The following ADGRB3 variants were observed in gnomAD, a reference collection of about 807,000 sequenced individuals.
ADGRB3 encodes the protein adhesion G protein-coupled receptor B3.
Under a neutral mutation model 193.4 loss-of-function variants are expected in ADGRB3, and 37 were observed. That is an observed-to-expected ratio of 0.19 (90% CI 0.15 to 0.25). ADGRB3 has a LOEUF of 0.25. Among genes scored for constraint, ADGRB3 ranks in the 10% least tolerant of loss-of-function variants. The pLI, the probability that ADGRB3 is intolerant of heterozygous loss-of-function variation, is 1.00. For missense variants in ADGRB3, 1,637 were observed against 1,852.9 expected, an observed-to-expected ratio of 0.88 and a Z score of 2.14; for synonymous variants, 690 against 644.2, an observed-to-expected ratio of 1.07 and a Z score of -1.08.
chr6:68,947,775 T>A (rs1436970303), intron 6 of ADGRB3, among the ~76,000 whole-genome samples: 1 of 152,134 alleles, frequency 6.6e-6, no homozygotes, highest in African/African-American at 2.4e-5. Context: ...GGGTGGACTT[T>A]GTGAGATGCT....
chr6:68,863,895 G>A (rs900870303), intron 3 of ADGRB3, among the ~76,000 whole-genome samples: 4 of 152,056 alleles, frequency 2.6e-5, no homozygotes, highest in Non-Finnish European at 4.4e-5. Flanking sequence ...GGGATAAAGC[G>A]ATAAGTAAAT....
chr6:68,869,292 T>C (rs1185130498), intron 3 of ADGRB3, among the ~76,000 whole-genome samples: 1 of 152,190 alleles, frequency 6.6e-6, no homozygotes, highest in Non-Finnish European at 1.5e-5. Flanking sequence ...AACTTTTTAA[T>C]GTATTTACAA....
intron 17 of ADGRB3, among the ~76,000 whole-genome samples, chr6:69,118,881 A>T (rs1440238696): frequency 6.6e-6 from 1 of 152,182 alleles, no homozygotes; most frequent in East Asian, 1.9e-4. Flanking sequence ...ATATAGCAAA[A>T]TTACTCTTTG....
At chr6:68,810,219 A>G (rs1181256333) in intron 3 of ADGRB3, among the ~76,000 whole-genome samples, 1 of 152,140 alleles carries the variant, frequency 6.6e-6, no homozygotes, top group African/African-American at 2.4e-5. Flanking sequence ...CTGCTTTGGG[A>G]AGCTGTGATT....
At chr6:68,730,848 G>A (rs1045061710) in intron 3 of ADGRB3, among the ~76,000 whole-genome samples, 2 of 151,632 alleles carry the variant, frequency 1.3e-5, no homozygotes, top group African/African-American at 4.8e-5. Context: ...AAACTCTGTA[G>A]TTAGCTTTTA....
Position 68,762,232 on chromosome 6 carries a change from CCTAA to C in ADGRB3, c.757+122803_757+122806del, listed in dbSNP as rs1766406068. ...TTCTCTTTTCCCCCTTCTTTTTCTC[CCTAA>C]CTTTCTCTTCTTTTCTCCTCATTCT... is the stretch of plus-strand genomic sequence containing the variant. On this transcript the variant is annotated intron_variant, in intron 3 of 31. Transcript: ENST00000370598. 2.0e-5 allele frequency among the ~76,000 whole-genome samples: 3 copies of C among 152,020 alleles called. 1 individual carries two copies. The South Asian group carries it at 6.2e-4, about 32-fold the overall frequency.
chr6:68,705,047 A>G (rs919561611), intron 3 of ADGRB3, among the ~76,000 whole-genome samples: 2 of 152,188 alleles, frequency 1.3e-5, no homozygotes, highest in Non-Finnish European at 2.9e-5. Context: ...TGTATTTAAA[A>G]CAAATCACAG....
chr6:69,195,289 G>C (rs1765272368), intron 17 of ADGRB3, among the ~76,000 whole-genome samples: 1 of 152,136 alleles, frequency 6.6e-6, no homozygotes, highest in Middle Eastern at 3.4e-3. Context: ...CAGCACTTTG[G>C]GAGGCCAAGG....
chr6:69,066,690 G>T lies in ADGRB3; in HGVS notation c.2436+3654G>T, dbSNP rs569265547. ...CATTGTCATGACCTATAAAGTTAGG[G>T]TATATGGTCTTTAGTGCTTAAGCAT... On this transcript the variant is annotated intron_variant, in intron 16 of 31. Coordinates refer to ENST00000370598, the MANE Select transcript of ADGRB3 (RefSeq NM_001704.3). 2.6e-5 allele frequency among the ~76,000 whole-genome samples: 4 copies of T among 152,094 alleles called. No homozygotes were observed. The East Asian group carries it at 7.7e-4, about 29-fold the overall frequency.
intron 3 of ADGRB3, among the ~76,000 whole-genome samples, chr6:68,655,300 T>C (rs1768465624): frequency 6.6e-6 from 1 of 151,232 alleles, no homozygotes; most frequent in Non-Finnish European, 1.5e-5. Context: ...TTTTGTTTTG[T>C]TTCGTTTTTT....
At chr6:69,190,160 T>TA (rs553116832) in intron 17 of ADGRB3, among the ~76,000 whole-genome samples, 6 of 151,998 alleles carry the variant, frequency 3.9e-5, no homozygotes, top group African/African-American at 1.2e-4. Flanking sequence ...TTTTACTATT[T>TA]AAAAAAAAGT....
At chr6:69,339,272 T>G in intron 25 of ADGRB3, 61 bp from the exon 26 acceptor site, 1 of 1,556,624 alleles carries the variant, frequency 6.4e-7, no homozygotes, top group South Asian at 1.2e-5. Context: ...TGAATGGGGG[T>G]TTGGCTATGG....
chr6:68,840,453 C>G (rs1768134133), intron 3 of ADGRB3, among the ~76,000 whole-genome samples: 1 of 133,286 alleles, frequency 7.5e-6, no homozygotes, highest in Non-Finnish European at 1.5e-5. Context: ...TGCAGTGGCA[C>G]AATCACCTCT....
intron 3 of ADGRB3, among the ~76,000 whole-genome samples, chr6:68,868,911 A>AT (rs1554209932): frequency 2.9e-5 from 4 of 139,754 alleles, no homozygotes; most frequent in African/African-American, 1.1e-4. Flanking sequence ...CCAGATAATG[A>AT]TGTGTGTGTG....
At chr6:69,042,738 C>T (rs867312176) in intron 13 of ADGRB3, among the ~76,000 whole-genome samples, 1 of 152,236 alleles carries the variant, frequency 6.6e-6, no homozygotes, top group African/African-American at 2.4e-5. Flanking sequence ...ACAAGCAATT[C>T]CATTTTGATA....
chr6:68,940,406 T>G (rs1380406228), intron 5 of ADGRB3, among the ~76,000 whole-genome samples: 4 of 152,028 alleles, frequency 2.6e-5, no homozygotes, highest in Non-Finnish European at 5.9e-5. Context: ...TCCCCCAAGT[T>G]GTGACAACCA....
At chr6:68,866,587 C>A (rs937564237) in intron 3 of ADGRB3, among the ~76,000 whole-genome samples, 4 of 152,116 alleles carry the variant, frequency 2.6e-5, no homozygotes, top group Non-Finnish European at 5.9e-5. Context: ...GAGTTTGGAA[C>A]AGTTTGGAGG....
rs1187518207 is a variant in ADGRB3 at position 68,796,801 on chromosome 6, G to A, written c.758-133758G>A. On this transcript the variant is annotated intron_variant, in intron 3 of 31. Transcript: ENST00000370598. Reference sequence around the variant, plus strand: ...GACCACAGGTTGAAACTTCTTAGGCGCCTATTGATAAGTAGCCTTTGTGGA... The same window carrying A: ...GACCACAGGTTGAAACTTCTTAGGCACCTATTGATAAGTAGCCTTTGTGGA... Among the ~76,000 whole-genome samples, 14 of 152,240 alleles carry A rather than the reference G, an allele frequency of 9.2e-5. No homozygotes were observed. The South Asian group carries it at 1.2e-3, about 14-fold the overall frequency.
At chr6:69,113,868 T>A (rs1773446119) in intron 17 of ADGRB3, among the ~76,000 whole-genome samples, 1 of 152,194 alleles carries the variant, frequency 6.6e-6, no homozygotes, top group South Asian at 2.1e-4. Flanking sequence ...ATTAATGATG[T>A]CACCTAAGTC....
Sources: allele counts gnomAD v4.1 joint callset (sites outside exome capture counted in the v4.1 genomes callset), GRCh38; gene constraint gnomAD v4.1.1; transcripts MANE v1.5; gene names NCBI Gene and HGNC (gene_info 2026-07-23, HGNC 2026-07-21).